ANO7: variants seen among roughly 807,000 people sequenced by gnomAD.
ANO7 encodes the protein anoctamin-7.
In ANO7, 114 loss-of-function variants were observed where a neutral mutation model predicts 115.8. The observed-to-expected ratio is 0.98, with a 90% CI of 0.85 to 1.15. The LOEUF is 1.15. Ranked by LOEUF, ANO7 falls within the 50% of genes most tolerant of loss-of-function variation. ANO7 has a pLI of 0.00. For synonymous variants in ANO7, 550 were observed against 498.2 expected (o/e 1.10, Z -1.38); for missense variants, 1,302 against 1,201.2 (o/e 1.08, Z -1.24).
At chr2:241,230,879 C>G (rs1395935458), downstream of ANO7, 2 of 1,614,100 alleles carry the variant, frequency 1.2e-6, no homozygotes, top group Admixed American at 1.7e-5. The surrounding 1 kb of genome is among the most constrained non-coding windows in gnomAD (Gnocchi z 5.0). Flanking sequence ...CCACAATTCT[C>G]AGTATAGCAT....
chr2:241,205,143 G>GCAGGTGGACAGGAGTGCTCCCAGGCTGA (rs1184678420), intron 10 of ANO7, among the ~76,000 whole-genome samples, 188 bp downstream of exon 10: 7 of 151,448 alleles, frequency 4.6e-5, no homozygotes, highest in African/African-American at 1.2e-4. Flanking sequence ...TGAAAGGCTG[G>GCAGGTGGACAGGAGTGCTCCCAGGCTGA]CAGGTGGACA....
chr2:241,233,061 C>T, the ANO7 span, among the ~76,000 whole-genome samples: 1 of 151,838 alleles, frequency 6.6e-6, no homozygotes, highest in Non-Finnish European at 1.5e-5. The surrounding 1 kb of genome is among the most constrained non-coding windows in gnomAD (Gnocchi z 4.3). Context: ...CGTGGAGGGG[C>T]TCTGCTGCCA....
At chr2:241,189,938 A>T (rs2068151874) in intron 1 of ANO7, 119 bp from the exon 2 acceptor site, 2 of 750,612 alleles carry the variant, frequency 2.7e-6, no homozygotes, top group African/African-American at 1.8e-5. Flanking sequence ...GCCCAGCCCC[A>T]TTCTACTCCG....
At chr2:241,199,605 TC>T (rs1207605108) in intron 5 of ANO7, among the ~76,000 whole-genome samples, 182 bp downstream of exon 5, 1 of 152,094 alleles carries the variant, frequency 6.6e-6, no homozygotes, top group African/African-American at 2.4e-5. Flanking sequence ...GGTGGTGGCA[TC>T]CCCCACAGTG....
At chr2:241,237,023 T>G in the ANO7 span, among the ~76,000 whole-genome samples, 3 of 137,332 alleles carry the variant, frequency 2.2e-5, no homozygotes, top group Non-Finnish European at 3.1e-5. Context: ...CGGGAGGCCG[T>G]GAGCTCTGTG....
downstream of ANO7, chr2:241,229,374 G>A (rs748274762): frequency 6.3e-6 from 3 of 478,060 alleles, no homozygotes; most frequent in Non-Finnish European, 1.2e-5. Flanking sequence ...GAATGCTCAT[G>A]ACCTTGGTTT....
chr2:241,194,006 G>C (rs2149112386), intron 3 of ANO7, among the ~76,000 whole-genome samples: 1 of 152,324 alleles, frequency 6.6e-6, no homozygotes, highest in South Asian at 2.1e-4. Context: ...CTCCCAAGTA[G>C]CTGGGATTAC....
At chr2:241,196,196 T>C in intron 4 of ANO7, 3 of 1,177,954 alleles carry the variant, frequency 2.5e-6, no homozygotes, top group Non-Finnish European at 3.2e-6. Flanking sequence ...CTCAGTGTGC[T>C]TATAGAATTA....
chr2:241,218,287 C>G lies in ANO7; in HGVS notation c.2227C>G (p.Arg743Gly). The change falls in exon 21 of 25, where the codon CGG becomes GGG. Residue 743 changes from arginine (R) to glycine (G), a missense_variant. By Grantham distance (125) the Arg-to-Gly change is moderately radical. Transcript: ENST00000674324. ...CGACTTCCTGCCGCGCGCCTACTACCGGTGGACCCGCGCCCACGACCTGCG... is the reference window on the plus strand; with the variant it reads ...CGACTTCCTGCCGCGCGCCTACTACGGGTGGACCCGCGCCCACGACCTGCG... ...SSDFLPRAYY[R>G]WTRAHDLRGF... 1.3e-6 allele frequency: 2 copies of G among 1,535,760 alleles called. No homozygotes were observed. Among genetic ancestry groups the G allele is most frequent in the Non-Finnish European group, 8.7e-7 (1 of 1,148,936 alleles).
chr2:241,214,659 G>T, intron 17 of ANO7, 146 bp from the exon 18 acceptor site: 1 of 662,634 alleles, frequency 1.5e-6, no homozygotes, highest in Non-Finnish European at 2.6e-6. Context: ...TGTTATGGTG[G>T]GAGCATCTCT....
chr2:241,223,922 C>G lies in ANO7; in HGVS notation c.2550C>G (p.Asn850Lys). Reference sequence around the variant, plus strand: ...GGGGACAGGTTCTTTTTGGAACGAACGGAACAAAGGATGAGCAGCCCGAGG... The same window carrying G: ...GGGGACAGGTTCTTTTTGGAACGAAGGGAACAAAGGATGAGCAGCCCGAGG... ...LAENEVLFGT[N>K]GTKDEQPEGS... Residue 850 changes from asparagine to lysine, a missense_variant, in exon 24 of 25, where the codon AAC becomes AAG. Physicochemically the swap from Asn to Lys is moderately conservative, Grantham distance 94. Transcript: ENST00000674324. The G allele has an allele frequency of 6.2e-7, 1 of 1,613,146 alleles. No homozygotes were observed. The highest frequency in any genetic ancestry group is 8.5e-7 in the Non-Finnish European group (1 of 1,180,010).
At chr2:241,229,755 T>C (rs2069489310), downstream of ANO7, 2 of 1,607,728 alleles carry the variant, frequency 1.2e-6, no homozygotes, top group Non-Finnish European at 1.7e-6. Flanking sequence ...TCCGACGCAG[T>C]TGCCACCCTC....
chr2:241,222,308 G>A (rs573467699), intron 21 of ANO7, among the ~76,000 whole-genome samples: 2 of 152,082 alleles, frequency 1.3e-5, no homozygotes, highest in Admixed American at 6.5e-5. Context: ...CACCGCGCCC[G>A]GCTGAAAGAG....
At chr2:241,207,328 T>G (rs553093572) in intron 10 of ANO7, among the ~76,000 whole-genome samples, 1 of 152,378 alleles carries the variant, frequency 6.6e-6, no homozygotes, top group South Asian at 2.1e-4. Flanking sequence ...GTAAGCTTTC[T>G]TATAATATTA....
intron 11 of ANO7, 62 bp from the exon 12 acceptor site, chr2:241,209,223 C>G: frequency 2.0e-6 from 3 of 1,497,868 alleles, no homozygotes; most frequent in Non-Finnish European, 2.7e-6. Flanking sequence ...GGAAGGAACA[C>G]TGGAAGGAAC....
rs1028718433 is a variant in ANO7, at chr2:241,209,777, T to C, written c.1359+142T>C. ...CTCACTCCCCGCAGAGAGGCCCCCA[T>C]GTGCCCGGGCTCGGCCGTGGGGTCC... On this transcript the variant is annotated intron_variant, in intron 13 of 24. Coordinates refer to ENST00000674324, the MANE Select transcript of ANO7 (RefSeq NM_001370694.2). The C allele has an allele frequency of 4.0e-6, 5 of 1,251,984 alleles. No homozygotes were observed. In the African/African-American group the frequency reaches 4.6e-5, roughly 11 times the overall value. 77.6% of individuals were successfully genotyped at this position (1,251,984 alleles called of 1,614,324 possible). A position where few individuals can be genotyped will look rare whatever the true frequency, so the allele number is the denominator to read the frequency against.
chr2:241,217,118 G>A (rs1292979679), intron 19 of ANO7, among the ~76,000 whole-genome samples: 2 of 152,240 alleles, frequency 1.3e-5, no homozygotes, highest in Non-Finnish European at 2.9e-5. Flanking sequence ...ACAGGCGTGA[G>A]AAACTGTGCC....
the ANO7 span, chr2:241,235,643 G>A: frequency 7.4e-7 from 1 of 1,342,540 alleles, no homozygotes; most frequent in Non-Finnish European, 1.1e-6. Context: ...AGAGCAGAGT[G>A]ACGTTGTAAG....
At chr2:241,239,510 C>T in the ANO7 span, 2 of 1,029,994 alleles carry the variant, frequency 1.9e-6, no homozygotes, top group Non-Finnish European at 3.0e-6. The surrounding 1 kb of genome is among the most constrained non-coding windows in gnomAD (Gnocchi z 4.6). Flanking sequence ...GAGGGAGTCA[C>T]CTCCCTACAG....
Sources: allele counts gnomAD v4.1 joint callset (sites outside exome capture counted in the v4.1 genomes callset), GRCh38; gene constraint gnomAD v4.1.1; non-coding constraint Gnocchi (gnomAD v3.1); transcripts MANE v1.5; gene names NCBI Gene and HGNC (gene_info 2026-07-23, HGNC 2026-07-21).